The following GRID2 variants were observed in gnomAD, a reference collection of about 807,000 sequenced individuals.
GRID2 encodes the protein glutamate receptor ionotropic, delta-2.
A neutral mutation model predicts 114.8 loss-of-function variants in GRID2; 33 were observed. The ratio of observed to expected loss-of-function variants is 0.29; its 90% CI spans 0.22 to 0.38. The LOEUF (loss-of-function observed/expected upper bound fraction) is 0.38, where lower values mean the gene tolerates loss of function less well. Ranked by LOEUF, GRID2 falls within the 10% of genes least tolerant of loss-of-function variation. The pLI is 1.00. For synonymous variants in GRID2, 505 were observed against 449.9 expected (o/e 1.12, Z -1.55); for missense variants, 1,184 against 1,257.7 (o/e 0.94, Z 0.89).
intron 1 of GRID2, among the ~76,000 whole-genome samples, chr4:92,581,575 G>C (rs1240430521): frequency 6.6e-6 from 1 of 151,982 alleles, no homozygotes; most frequent in Admixed American, 6.6e-5. Flanking sequence ...GGAGAGTAAG[G>C]CTAAGAAAAG....
chr4:92,494,583 G>C (rs1723300465), intron 1 of GRID2, among the ~76,000 whole-genome samples: 1 of 151,870 alleles, frequency 6.6e-6, no homozygotes, highest in Non-Finnish European at 1.5e-5. Context: ...AAGAGAGTTG[G>C]GCAAGGTTAC....
At chr4:93,259,646 A>AT (rs1364219804) in intron 8 of GRID2, among the ~76,000 whole-genome samples, 1 of 151,796 alleles carries the variant, frequency 6.6e-6, no homozygotes, top group African/African-American at 2.4e-5. Context: ...CTATTCAGTT[A>AT]TTTTTTAATA....
chr4:93,738,522 G>A (rs1731112928), intron 14 of GRID2, among the ~76,000 whole-genome samples: 1 of 152,072 alleles, frequency 6.6e-6, no homozygotes, highest in Non-Finnish European at 1.5e-5. Context: ...ATAACTAGGG[G>A]AAGACTTAAT....
chr4:93,313,501 T>C (rs1282928317), intron 8 of GRID2, among the ~76,000 whole-genome samples: 1 of 152,224 alleles, frequency 6.6e-6, no homozygotes, highest in East Asian at 1.9e-4. Flanking sequence ...ATATAGTTCA[T>C]TGTTAACAAC....
rs33971011 is a variant in GRID2 at position 92,600,045 on chromosome 4, T to TAA, written c.244+9760_244+9761insAA. ...ATGTATGTGTGTGTGTGTGTGTGTG[T>TAA]ATATATATATATATATATATATATA... On this transcript the variant is annotated intron_variant, in intron 2 of 15. Coordinates refer to ENST00000282020, the MANE Select transcript of GRID2 (RefSeq NM_001510.4). Among the ~76,000 whole-genome samples, 135 of 14,152 alleles carry TAA rather than the reference T, an allele frequency of 9.5e-3. 1 individual carries two copies. The highest frequency in any genetic ancestry group is 0.02 in the South Asian group (6 of 306). The allele number at this position is 14,152 out of a possible 152,430, so 9.3% of individuals were successfully genotyped here.
At chr4:93,595,005 A>T (rs1738919709) in intron 13 of GRID2, among the ~76,000 whole-genome samples, 4 of 151,938 alleles carry the variant, frequency 2.6e-5, no homozygotes. Context: ...TGCAGAAATC[A>T]CCCATCTTCT....
intron 1 of GRID2, among the ~76,000 whole-genome samples, chr4:92,312,219 T>G (rs1725743916): frequency 1.3e-5 from 2 of 152,204 alleles, no homozygotes; most frequent in South Asian, 4.1e-4. Context: ...GAGAGGGCAC[T>G]GAGGAAGATT....
At chr4:92,788,357 C>A (rs1031864295) in intron 2 of GRID2, among the ~76,000 whole-genome samples, 1 of 151,670 alleles carries the variant, frequency 6.6e-6, no homozygotes, top group African/African-American at 2.4e-5. Flanking sequence ...AGACAAAGTC[C>A]CAACTGAAGT....
chr4:92,456,942 AT>A (rs1325851985), intron 1 of GRID2, among the ~76,000 whole-genome samples: 2 of 152,026 alleles, frequency 1.3e-5, no homozygotes, highest in African/African-American at 2.4e-5. Context: ...ATTCTTAAAT[AT>A]TTATCTTTCT....
intron 4 of GRID2, among the ~76,000 whole-genome samples, chr4:93,151,979 A>C (rs1321151376): frequency 6.6e-6 from 1 of 152,118 alleles, no homozygotes; most frequent in Non-Finnish European, 1.5e-5. Flanking sequence ...TATAGAATGC[A>C]AGCTGTTTAA....
intron 14 of GRID2, among the ~76,000 whole-genome samples, chr4:93,719,409 T>A (rs973378522): frequency 1.3e-5 from 2 of 152,174 alleles, no homozygotes; most frequent in African/African-American, 2.4e-5. Flanking sequence ...AGGGACTTTT[T>A]TTTTTAAGGA....
intron 2 of GRID2, among the ~76,000 whole-genome samples, chr4:92,599,627 G>T (rs531722457): frequency 2.3e-4 from 35 of 151,998 alleles, no homozygotes; most frequent in Admixed American, 5.2e-4. Context: ...TTTACTTTTT[G>T]GTCTTTGATA....
intron 1 of GRID2, among the ~76,000 whole-genome samples, chr4:92,437,107 C>T (rs746367572): frequency 6.6e-6 from 1 of 151,924 alleles, no homozygotes; most frequent in Non-Finnish European, 1.5e-5. Context: ...CTAAGATGTT[C>T]GTATTTGAAT....
At chr4:92,598,428 C>T (rs865835765) in intron 2 of GRID2, among the ~76,000 whole-genome samples, 35 of 152,058 alleles carry the variant, frequency 2.3e-4, no homozygotes, top group African/African-American at 8.0e-4. Flanking sequence ...CTTTATTTAG[C>T]CCCCTTTTAA....
intron 8 of GRID2, among the ~76,000 whole-genome samples, chr4:93,341,141 C>T (rs1759605350): frequency 6.6e-6 from 1 of 152,076 alleles, no homozygotes; most frequent in Admixed American, 6.6e-5. Flanking sequence ...ATGATAAAAA[C>T]ATATCCATAA....
At chr4:93,017,268 T>G (rs1722839437) in intron 2 of GRID2, among the ~76,000 whole-genome samples, 1 of 152,154 alleles carries the variant, frequency 6.6e-6, no homozygotes. Context: ...TTAAATAATT[T>G]TTTTCCTATA....
At chr4:93,502,693 G>T (rs1728226217) in intron 12 of GRID2, among the ~76,000 whole-genome samples, 3 of 141,780 alleles carry the variant, frequency 2.1e-5, no homozygotes, top group Non-Finnish European at 3.0e-5. Context: ...TATTTTAATG[G>T]CTCTCTCCTC....
At chr4:92,879,248 C>T (rs190300594) in intron 2 of GRID2, among the ~76,000 whole-genome samples, 57 of 152,176 alleles carry the variant, frequency 3.7e-4, no homozygotes, top group Admixed American at 1.4e-3. Flanking sequence ...GATACTTTGC[C>T]TCTCCCAATC....
intron 13 of GRID2, among the ~76,000 whole-genome samples, chr4:93,580,854 T>G (rs766892009): frequency 1.5e-4 from 20 of 134,876 alleles, no homozygotes; most frequent in Non-Finnish European, 2.6e-4. Flanking sequence ...AATAACCTGA[T>G]GTATAGCATT....
Sources: allele counts gnomAD v4.1 joint callset (sites outside exome capture counted in the v4.1 genomes callset), GRCh38; gene constraint gnomAD v4.1.1; transcripts MANE v1.5; gene names NCBI Gene and HGNC (gene_info 2026-07-23, HGNC 2026-07-21).